Variants in CDC42 observed in about 807,000 individuals in gnomAD.
CDC42 encodes the protein cell division control protein 42 homolog.
A neutral mutation model predicts 20.8 loss-of-function variants in CDC42; 1 was observed. The observed-to-expected ratio is 0.05, with a 90% CI of 0.02 to 0.23. CDC42 has a LOEUF of 0.23. Ranked by LOEUF, CDC42 falls within the 10% of genes least tolerant of loss-of-function variation. CDC42 has a pLI of 1.00. For missense variants in CDC42, 49 were observed against 227.9 expected (o/e 0.21, Z 5.05); for synonymous variants, 72 against 84.8 (o/e 0.85, Z 0.83).
chr1:22,060,057 G>C (rs1645346286), intron 1 of CDC42, among the ~76,000 whole-genome samples: 1 of 151,918 alleles, frequency 6.6e-6, no homozygotes, highest in Admixed American at 6.6e-5. Flanking sequence ...AAGATTATCA[G>C]TAGGCTGGGT....
intron 1 of CDC42, among the ~76,000 whole-genome samples, chr1:22,062,905 C>T (rs550484296): frequency 2.6e-5 from 4 of 152,136 alleles, no homozygotes; most frequent in East Asian, 3.8e-4. Context: ...ATGCTACTAC[C>T]GCAGGGCAGA....
At chr1:22,068,087 C>CA (rs1054431391) in intron 1 of CDC42, among the ~76,000 whole-genome samples, 1 of 151,500 alleles carries the variant, frequency 6.6e-6, no homozygotes, top group African/African-American at 2.4e-5. Context: ...GTCTCAAAAA[C>CA]AAAAAAAATC....
rs903012023 is a variant in CDC42, at chr1:22,097,434, G to C, written c.*5917G>C. Reference sequence around the variant, plus strand: ...TTTTTGTATTTTTAGTAGAGATGGGGTTTCACCATGTTGGCCAGGCTGGTC... The same window carrying C: ...TTTTTGTATTTTTAGTAGAGATGGGCTTTCACCATGTTGGCCAGGCTGGTC... On this transcript the variant is annotated 3_prime_UTR_variant, in exon 6 of 6. Transcript: ENST00000656825. Among the ~76,000 whole-genome samples the C allele has an allele frequency of 2.4e-4, 37 of 152,112 alleles. No homozygotes were observed. Among genetic ancestry groups the C allele is most frequent in the African/African-American group, 8.7e-4 (36 of 41,408 alleles).
chr1:22,052,781 C>T (rs1056442584), intron 1 of CDC42, 39 bp downstream of exon 1: 4 of 152,868 alleles, frequency 2.6e-5, no homozygotes, highest in African/African-American at 9.6e-5. Context: ...GGAGCTGCCA[C>T]CCTACCTTCC....
At chr1:22,091,294 G>A in intron 5 of CDC42, 134 bp from the exon 6 acceptor site, 1 of 606,664 alleles carries the variant, frequency 1.6e-6, no homozygotes, top group Non-Finnish European at 3.0e-6. Flanking sequence ...TGAGATTATT[G>A]TGTTGAGATT....
At position 22,064,447 on chromosome 1, in the gene CDC42, C is replaced by T. The variant is rs142710613; in HGVS notation, c.-51+11705C>T. On this transcript the variant is annotated intron_variant, in intron 1 of 5. Transcript: ENST00000656825. The stretch of plus-strand genomic sequence containing the variant: ...AGCTGGGAGTACAGGTGTGCATCAT[C>T]GTGCCTGCTAATTTTTGTATTTTTA... 1.6e-3 allele frequency among the ~76,000 whole-genome samples: 238 copies of T among 151,988 alleles called. 2 individuals are homozygous for T. The highest frequency in any genetic ancestry group is 3.4e-3 in the Admixed American group (52 of 15,268).
chr1:22,062,638 G>A (rs953069749), intron 1 of CDC42, among the ~76,000 whole-genome samples: 3 of 143,448 alleles, frequency 2.1e-5, no homozygotes, highest in Non-Finnish European at 3.0e-5. Context: ...AATCCCAGCA[G>A]TTTGGGAGAC....
chr1:22,078,692 T>A, intron 2 of CDC42, 109 bp downstream of exon 2: 1 of 1,516,594 alleles, frequency 6.6e-7, no homozygotes, highest in South Asian at 1.2e-5. Flanking sequence ...TGCCTTTGTT[T>A]CCTGTTTTTA....
chr1:22,083,755 A>G (rs1325402309), intron 3 of CDC42, among the ~76,000 whole-genome samples: 1 of 152,146 alleles, frequency 6.6e-6, no homozygotes, highest in Non-Finnish European at 1.5e-5. Flanking sequence ...ATCAAAAATT[A>G]TTTGACCATA....
chr1:22,094,049 G>C lies in CDC42; in HGVS notation c.*2532G>C, dbSNP rs1645739465. On this transcript the variant is annotated 3_prime_UTR_variant, in exon 6 of 6. Transcript: ENST00000656825. ...GATTTCTGCATGTCAGAAGAACTTG[G>C]GTAGCAAGTGGATGCAGCTTAGGTT... is the stretch of plus-strand genomic sequence containing the variant. Among the ~76,000 whole-genome samples the C allele has an allele frequency of 6.6e-6, 1 of 152,038 alleles. No individual in the cohort carries two copies. The highest frequency in any genetic ancestry group is 2.1e-4 in the South Asian group (1 of 4,822).
chr1:22,086,301 C>A, intron 3 of CDC42, 138 bp from the exon 4 acceptor site: 1 of 572,080 alleles, frequency 1.7e-6, no homozygotes, highest in East Asian at 2.8e-5. Context: ...AGAATATTGC[C>A]CACATATTAT....
chr1:22,100,371 T>C lies in CDC42; in HGVS notation c.*8854T>C, dbSNP rs1645782706. Among the ~76,000 whole-genome samples the C allele has an allele frequency of 1.3e-5, 2 of 152,194 alleles. No individual in the cohort carries two copies. Among genetic ancestry groups the C allele is most frequent in the African/African-American group, 2.4e-5 (1 of 41,436 alleles). ...GATGTCATTTGTCAAATGGTAAAAC[T>C]GAGGCGAAACAACTTGGCATTGTTG... is the stretch of plus-strand genomic sequence containing the variant. On this transcript the variant is annotated 3_prime_UTR_variant, in exon 6 of 6. Transcript: ENST00000656825.
At chr1:22,085,888 C>A (rs191527572) in intron 3 of CDC42, among the ~76,000 whole-genome samples, 1 of 152,178 alleles carries the variant, frequency 6.6e-6, no homozygotes, top group African/African-American at 2.4e-5. Flanking sequence ...CTCTGTCACC[C>A]AGACTGGAGT....
chr1:22,089,937 T>C (rs1557908189), intron 5 of CDC42: 1 of 1,613,656 alleles, frequency 6.2e-7, no homozygotes, highest in Non-Finnish European at 8.5e-7. Context: ...CCCCTCTGTC[T>C]TGTAGAGAGG....
intron 1 of CDC42, among the ~76,000 whole-genome samples, chr1:22,066,537 T>G (rs1284615425): frequency 6.6e-6 from 1 of 152,204 alleles, no homozygotes; most frequent in Non-Finnish European, 1.5e-5. Flanking sequence ...ATTTCCTTAT[T>G]TTTAAAAGTC....
At chr1:22,069,109 G>A (rs116015743) in intron 1 of CDC42, among the ~76,000 whole-genome samples, 1,650 of 149,834 alleles carry the variant, frequency 0.011, 28 homozygotes, top group African/African-American at 0.038. Flanking sequence ...AGATGAATGA[G>A]TAGATCTACA....
At chr1:22,085,763 C>CT (rs2124036230) in intron 3 of CDC42, among the ~76,000 whole-genome samples, 1 of 152,232 alleles carries the variant, frequency 6.6e-6, no homozygotes, top group African/African-American at 2.4e-5. Flanking sequence ...ATGTGAACCT[C>CT]TGTTTGTAGT....
At chr1:22,078,343 C>T in intron 1 of CDC42, 86 bp from the exon 2 acceptor site, 1 of 574,678 alleles carries the variant, frequency 1.7e-6, no homozygotes, top group Non-Finnish European at 3.0e-6. Flanking sequence ...TCTTTTCTTG[C>T]TCTGAGTGCC....
Position 22,069,016 on chromosome 1 carries a change from T to G in CDC42, c.-50-9413T>G, listed in dbSNP as rs190185815. Among the ~76,000 whole-genome samples, 391 of 152,300 alleles carry G rather than the reference T, an allele frequency of 2.6e-3. 4 individuals are homozygous for G. The highest frequency in any genetic ancestry group is 9.1e-3 in the African/African-American group (380 of 41,556). ...CTCCAAGAGGGCGTGAACTTTGTTA[T>G]GTGAATTGTGGGGTGTGCCTACGTA... is the stretch of plus-strand genomic sequence containing the variant. On this transcript the variant is annotated intron_variant, in intron 1 of 5. Transcript: ENST00000656825.
Sources: gnomAD v4.1 joint callset for allele counts (sites outside exome capture counted in the v4.1 genomes callset) on GRCh38, gnomAD v4.1.1 for gene constraint, MANE v1.5 for transcripts, NCBI Gene and HGNC (gene_info 2026-07-23, HGNC 2026-07-21) for gene names.